WWOX: variants seen among roughly 807,000 people sequenced by gnomAD.
The protein encoded by WWOX is WW domain-containing oxidoreductase.
Under a neutral mutation model 46.2 loss-of-function variants are expected in WWOX, and 69 were observed. The ratio of observed to expected loss-of-function variants is 1.49; its 90% confidence interval spans 1.23 to 1.82. WWOX has a LOEUF of 1.82. WWOX is among the 40% of genes most tolerant of loss of function. The probability of loss-of-function intolerance (pLI) is 0.00; values close to 1 mark genes in which losing one functional copy is unlikely to be tolerated. For missense variants in WWOX, 919 were observed against 542.6 expected, an observed-to-expected ratio of 1.69 and a Z score of -6.89; for synonymous variants, 359 against 202.6, an observed-to-expected ratio of 1.77 and a Z score of -6.56.
chr16:79,147,960 T>C (rs566459822), intron 8 of WWOX, among the ~76,000 whole-genome samples: 2 of 152,332 alleles, frequency 1.3e-5, no homozygotes, highest in South Asian at 4.1e-4. Flanking sequence ...ATTCTTTATA[T>C]ATTCTAGTTA....
chr16:78,928,844 CA>C (rs1597163482), intron 8 of WWOX, among the ~76,000 whole-genome samples: 1 of 152,130 alleles, frequency 6.6e-6, no homozygotes, highest in East Asian at 1.9e-4. Context: ...GCTTCTCTGT[CA>C]AGAGAATTAT....
At chr16:78,584,095 TTA>T (rs1350952373) in intron 8 of WWOX, among the ~76,000 whole-genome samples, 10 of 152,220 alleles carry the variant, frequency 6.6e-5, no homozygotes, top group Non-Finnish European at 7.3e-5. Context: ...TGTGTTTGGT[TTA>T]TGTCTTCCAC....
chr16:78,832,120 G>T (rs184572500), intron 8 of WWOX, among the ~76,000 whole-genome samples: 1 of 152,168 alleles, frequency 6.6e-6, no homozygotes, highest in African/African-American at 2.4e-5. Flanking sequence ...TTCTAGCTCA[G>T]GGTCTTTTCT....
intron 8 of WWOX, among the ~76,000 whole-genome samples, chr16:78,780,039 C>T (rs1329505003): frequency 6.6e-6 from 1 of 152,142 alleles, no homozygotes; most frequent in African/African-American, 2.4e-5. Flanking sequence ...CAGTAGAAGC[C>T]ATATGGATAC....
intron 8 of WWOX, among the ~76,000 whole-genome samples, chr16:78,632,368 A>G (rs1269064481): frequency 1.3e-5 from 2 of 152,016 alleles, no homozygotes; most frequent in Non-Finnish European, 2.9e-5. Flanking sequence ...CAGAGTCATT[A>G]TTGAGTTATT....
chr16:78,356,651 G>A (rs747395377), intron 5 of WWOX, among the ~76,000 whole-genome samples: 2 of 152,204 alleles, frequency 1.3e-5, no homozygotes, highest in Non-Finnish European at 2.9e-5. Context: ...GGGAGGCCAA[G>A]GCGAGTGGAT....
chr16:78,179,558 T>C (rs1341094568), intron 5 of WWOX: 1 of 152,238 alleles, frequency 6.6e-6, no homozygotes, highest in African/African-American at 2.4e-5. Context: ...ATTAAATTCT[T>C]ATTTTTATGG....
chr16:78,770,228 G>A (rs2050031114), intron 8 of WWOX, among the ~76,000 whole-genome samples: 1 of 152,230 alleles, frequency 6.6e-6, no homozygotes, highest in South Asian at 2.1e-4. Flanking sequence ...GTGTGCTCCT[G>A]TAGTTCCAGC....
chr16:79,037,173 A>G (rs549161950), intron 8 of WWOX, among the ~76,000 whole-genome samples: 2 of 152,318 alleles, frequency 1.3e-5, no homozygotes, highest in African/African-American at 2.4e-5. Flanking sequence ...TGCCAGCACC[A>G]TCAGAAAAGT....
intron 8 of WWOX, among the ~76,000 whole-genome samples, chr16:78,911,966 G>C (rs1473732315): frequency 6.6e-6 from 1 of 152,014 alleles, no homozygotes; most frequent in Non-Finnish European, 1.5e-5. Context: ...GATAAATTAT[G>C]AACAGGCAGA....
intron 5 of WWOX, among the ~76,000 whole-genome samples, chr16:78,375,118 C>A (rs1180846581): frequency 6.6e-6 from 1 of 152,212 alleles, no homozygotes; most frequent in Non-Finnish European, 1.5e-5. Flanking sequence ...TATTAAACAT[C>A]CTCCTTTGCT....
intron 5 of WWOX, among the ~76,000 whole-genome samples, chr16:78,311,179 G>C (rs914199602): frequency 2.6e-5 from 4 of 152,168 alleles, no homozygotes; most frequent in African/African-American, 4.8e-5. Flanking sequence ...TGGCAGCTTT[G>C]TGGGCATTTA....
chr16:78,303,880 C>T (rs1046872695), intron 5 of WWOX, among the ~76,000 whole-genome samples: 2 of 152,154 alleles, frequency 1.3e-5, no homozygotes, highest in Non-Finnish European at 2.9e-5. Context: ...TGCCCTGTGC[C>T]AACCACCACC....
In WWOX at chr16:78,706,817, A is replaced by G. The variant is rs540054592; in HGVS notation, c.1056+274065A>G. On this transcript the variant is annotated intron_variant, in intron 8 of 8. Transcript: ENST00000566780. Reference sequence around the variant, plus strand: ...GGATACAAACTACCTTTTTTTTTGGAGACAGATCTCACTTTATCACCCAGT... The same window carrying G: ...GGATACAAACTACCTTTTTTTTTGGGGACAGATCTCACTTTATCACCCAGT... Among the ~76,000 whole-genome samples, 44 of 151,882 alleles carry G rather than the reference A, an allele frequency of 2.9e-4. 1 individual carries two copies. The East Asian group carries it at 8.2e-3, about 28-fold the overall frequency.
intron 8 of WWOX, chr16:78,535,197 A>T (rs567938221): frequency 6.6e-6 from 1 of 152,224 alleles, no homozygotes; most frequent in Non-Finnish European, 1.5e-5. Flanking sequence ...GCAGATGGAC[A>T]CAGGATCTGC....
At chr16:78,517,469 G>A (rs1421388335) in intron 8 of WWOX, among the ~76,000 whole-genome samples, 8 of 152,330 alleles carry the variant, frequency 5.3e-5, no homozygotes, top group East Asian at 1.9e-4. Context: ...CTTCGCATAT[G>A]TATTTATGGC....
At chr16:78,651,423 G>A (rs1030282009) in intron 8 of WWOX, among the ~76,000 whole-genome samples, 14 of 152,212 alleles carry the variant, frequency 9.2e-5, no homozygotes, top group Non-Finnish European at 1.0e-4. Flanking sequence ...ACTCTGGCAG[G>A]AGAACAAGTC....
At chr16:79,036,060 G>C (rs968147821) in intron 8 of WWOX, among the ~76,000 whole-genome samples, 11 of 152,196 alleles carry the variant, frequency 7.2e-5, no homozygotes, top group Non-Finnish European at 1.2e-4. Flanking sequence ...TGGTCTCTCT[G>C]TGGTTTTCTT....
intron 8 of WWOX, among the ~76,000 whole-genome samples, chr16:78,922,107 A>G (rs1363204662): frequency 2.0e-5 from 3 of 152,158 alleles, no homozygotes; most frequent in Non-Finnish European, 4.4e-5. Flanking sequence ...CTGTGTTCAG[A>G]GTATTTATTG....
Sources: gnomAD v4.1 joint callset for allele counts (sites outside exome capture counted in the v4.1 genomes callset) on GRCh38, gnomAD v4.1.1 for gene constraint, MANE v1.5 for transcripts, NCBI Gene and HGNC (gene_info 2026-07-23, HGNC 2026-07-21) for gene names.